Variants in GNPTAB observed in about 807,000 individuals in gnomAD.
The protein encoded by GNPTAB is N-acetylglucosamine-1-phosphotransferase subunits alpha/beta.
Under a neutral mutation model 136.6 loss-of-function variants are expected in GNPTAB, and 92 were observed. The observed-to-expected ratio is 0.67, with a 90% CI of 0.57 to 0.80. The LOEUF (loss-of-function observed/expected upper bound fraction) is 0.80. Among genes scored for constraint, GNPTAB ranks in the 30% least tolerant of loss-of-function variants. The pLI is 0.00. For synonymous variants in GNPTAB, 512 were observed against 535.1 expected (o/e 0.96, Z 0.60); for missense variants, 1,343 against 1,501.8 (o/e 0.89, Z 1.75).
rs150451045 is a variant in GNPTAB, at chr12:101,770,565, G to A, written c.954C>T (p.Ile318=). 6 of 1,612,734 alleles carry A rather than the reference G, an allele frequency of 3.7e-6. No homozygotes were observed. The African/African-American group carries it at 6.7e-5, about 18-fold the overall frequency. The change falls in exon 9 of 21, where the codon ATC becomes ATT. Residue 318 remains isoleucine, a synonymous_variant. Transcript: ENST00000299314. ...AISQSKQDED[I]SASRFEDNEE... is the part of the protein sequence containing the mutation. ...CGTTATCTTCAAAACGACTGGCAGA[G>A]ATGTCTTCATCCTGCTTAGACTGAG...
At chr12:101,804,581 A>G (rs1258751098) in intron 1 of GNPTAB, among the ~76,000 whole-genome samples, 1 of 152,210 alleles carries the variant, frequency 6.6e-6, no homozygotes, top group Non-Finnish European at 1.5e-5. Context: ...CCAATATGGT[A>G]TGTGGCCACA....
intron 19 of GNPTAB, among the ~76,000 whole-genome samples, chr12:101,751,418 G>A (rs1217297345): frequency 6.6e-6 from 1 of 152,130 alleles, no homozygotes; most frequent in Non-Finnish European, 1.5e-5. Flanking sequence ...CTCAAGGCCT[G>A]GTACCACATG....
At position 101,765,112 on chromosome 12, in the gene GNPTAB, A is replaced by C; in HGVS notation, c.1805T>G (p.Met602Arg). Residue 602 changes from methionine (M) to arginine (R), a missense_variant, in exon 13 of 21, where the codon ATG becomes AGG. Met to Arg is a moderately conservative substitution (Grantham distance 91). Coordinates refer to ENST00000299314, the MANE Select transcript of GNPTAB (RefSeq NM_024312.5). ...TGTGGTGGCATTCATTCCACTGTGC[A>C]TTATGAGGTGGATGGTTTTCCACTT... ...ANKWKTIHLI[M>R]HSGMNATTIH... The C allele has an allele frequency of 6.2e-7, 1 of 1,614,180 alleles. No individual in the cohort carries two copies. Among genetic ancestry groups the C allele is most frequent in the Non-Finnish European group, 8.5e-7 (1 of 1,180,026 alleles).
At chr12:101,796,580 C>T (rs773591056) in intron 2 of GNPTAB, 97 bp downstream of exon 2, 101 of 825,232 alleles carry the variant, frequency 1.2e-4, no homozygotes, top group Admixed American at 2.1e-4. Context: ...ATATCTATAA[C>T]TCAGAAAGAC....
intron 1 of GNPTAB, among the ~76,000 whole-genome samples, chr12:101,815,578 T>G (rs922812964): frequency 6.7e-6 from 1 of 148,314 alleles, no homozygotes; most frequent in African/African-American, 2.5e-5. Context: ...TGTCTGTGAA[T>G]AGCCATTGCA....
intron 16 of GNPTAB, 125 bp from the exon 17 acceptor site, chr12:101,757,782 T>C: frequency 2.9e-6 from 2 of 698,038 alleles, no homozygotes; most frequent in South Asian, 1.5e-5. Context: ...AAACACCAAC[T>C]GTGACTACAT....
chr12:101,751,605 G>A (rs903885918), intron 19 of GNPTAB, among the ~76,000 whole-genome samples: 1 of 152,254 alleles, frequency 6.6e-6, no homozygotes, highest in African/African-American at 2.4e-5. Flanking sequence ...GCAGAGGACT[G>A]GGAGTCAGGC....
intron 5 of GNPTAB, among the ~76,000 whole-genome samples, chr12:101,783,585 TGCTGAGTAGACCCA>T (rs1868465044): frequency 6.6e-6 from 1 of 152,204 alleles, no homozygotes; most frequent in African/African-American, 2.4e-5. Flanking sequence ...AAAACTACTT[TGCTGAGTAGACCCA>T]GCTCCAGGCT....
At chr12:101,804,529 T>C (rs564724194) in intron 1 of GNPTAB, among the ~76,000 whole-genome samples, 2 of 152,364 alleles carry the variant, frequency 1.3e-5, no homozygotes, top group African/African-American at 4.8e-5. Flanking sequence ...TATAATGTCC[T>C]GGCAAATAGT....
rs148831122 is a variant in GNPTAB, at chr12:101,794,969, G to A, written c.203+1708C>T. 1.6e-4 allele frequency among the ~76,000 whole-genome samples: 24 copies of A among 152,140 alleles called. No homozygotes were observed. In the East Asian group the frequency reaches 4.2e-3, roughly 27 times the overall value. ...TTTTAAAAACGTTTGAAGCTTCTTC[G>A]GGGCAGGGATCTATGCATCTGTGCA... On this transcript the variant is annotated intron_variant, in intron 2 of 20. Transcript: ENST00000299314.
chr12:101,763,369 A>G (rs557644234), intron 13 of GNPTAB, among the ~76,000 whole-genome samples: 5 of 152,262 alleles, frequency 3.3e-5, no homozygotes, highest in Non-Finnish European at 4.4e-5. Flanking sequence ...CTGAGGACAT[A>G]GTTCCTCCTT....
At chr12:101,768,349 C>T (rs1953125188) in intron 10 of GNPTAB, among the ~76,000 whole-genome samples, 189 bp from the exon 11 acceptor site, 2 of 152,194 alleles carry the variant, frequency 1.3e-5, no homozygotes, top group African/African-American at 4.8e-5. Context: ...GATCCTGCTG[C>T]GTTGACCGTT....
At chr12:101,772,367 T>C (rs1207026970) in intron 7 of GNPTAB, among the ~76,000 whole-genome samples, 1 of 152,248 alleles carries the variant, frequency 6.6e-6, no homozygotes, top group Admixed American at 6.5e-5. Context: ...ATTTGCTGCA[T>C]GACTATTCTT....
At chr12:101,788,740 C>T in intron 3 of GNPTAB, 151 bp from the exon 4 acceptor site, 2 of 646,714 alleles carry the variant, frequency 3.1e-6, no homozygotes, top group South Asian at 3.6e-5. Context: ...CTGGGAAAGT[C>T]ATATAACCTC....
intron 1 of GNPTAB, among the ~76,000 whole-genome samples, chr12:101,814,129 T>A (rs529033473): frequency 1.3e-5 from 2 of 150,084 alleles, no homozygotes; most frequent in Admixed American, 1.3e-4. Context: ...TGAAACACCA[T>A]CTCTACAAAA....
chr12:101,773,074 G>A (rs2137127727), intron 7 of GNPTAB: 2 of 195,788 alleles, frequency 1.0e-5, no homozygotes, highest in East Asian at 3.2e-4. Context: ...GCCTCCCAAA[G>A]TGCTGGGATT....
chr12:101,818,980 C>G (rs763813793), intron 1 of GNPTAB, among the ~76,000 whole-genome samples: 38 of 152,004 alleles, frequency 2.5e-4, no homozygotes, highest in African/African-American at 5.8e-4. Context: ...GCATCCCCAG[C>G]CATGTGGAAC....
At chr12:101,802,228 GA>G (rs1299196796) in intron 1 of GNPTAB, among the ~76,000 whole-genome samples, 1 of 144,002 alleles carries the variant, frequency 6.9e-6, no homozygotes, top group African/African-American at 2.6e-5. Flanking sequence ...GAAAAGAAAA[GA>G]AAAAAAGAAA....
intron 1 of GNPTAB, among the ~76,000 whole-genome samples, chr12:101,802,199 TAAAA>T (rs112485347): frequency 5.5e-5 from 6 of 108,190 alleles, no homozygotes; most frequent in Admixed American, 2.1e-4. Flanking sequence ...CCCTGTCTCT[TAAAA>T]AAAAAAAAAA....
Sources: gnomAD v4.1 joint callset for allele counts (sites outside exome capture counted in the v4.1 genomes callset) on GRCh38, gnomAD v4.1.1 for gene constraint, MANE v1.5 for transcripts, NCBI Gene and HGNC (gene_info 2026-07-23, HGNC 2026-07-21) for gene names.